Variants in ITPR2 observed in about 807,000 individuals in gnomAD.
ITPR2 encodes the protein inositol 1,4,5-trisphosphate-gated calcium channel ITPR2.
A neutral mutation model predicts 317.1 loss-of-function variants in ITPR2; 207 were observed. The observed-to-expected ratio is 0.65, with a 90% confidence interval of 0.58 to 0.73. ITPR2 has a LOEUF of 0.73. ITPR2 is among the 30% of genes least tolerant of loss of function. ITPR2 has a pLI of 0.00. For missense variants in ITPR2, 2,613 were observed against 3,284.0 expected, an observed-to-expected ratio of 0.80 and a Z score of 4.99; for synonymous variants, 1,156 against 1,149.1, an observed-to-expected ratio of 1.01 and a Z score of -0.12.
At position 26,571,625 on chromosome 12, in the gene ITPR2, C is replaced by T. The variant is rs563594104; in HGVS notation, c.4630+7088G>A. On this transcript the variant is annotated intron_variant, in intron 34 of 56. Transcript: ENST00000381340. Reference sequence around the variant, plus strand: ...AGATTTGTGATAGGAGAGGTTAATGCCGCTAGCACGTCAGTGCAGAAGGGA... The same window carrying T: ...AGATTTGTGATAGGAGAGGTTAATGTCGCTAGCACGTCAGTGCAGAAGGGA... Among the ~76,000 whole-genome samples, 3 of 152,330 alleles carry T rather than the reference C, an allele frequency of 2.0e-5. No individual in the cohort carries two copies. In the South Asian group the frequency reaches 6.2e-4, roughly 32 times the overall value.
In ITPR2 at chr12:26,722,427, C is replaced by A. The variant is rs34506525; in HGVS notation, c.495G>T (p.Pro165=). 1.9e-6 allele frequency: 3 copies of A among 1,612,032 alleles called. No individual in the cohort carries two copies. The highest frequency in any genetic ancestry group is 2.7e-5 in the African/African-American group (2 of 74,812). Residue 165 remains proline (P), a synonymous_variant, in exon 5 of 57, where the codon CCG becomes CCT. Transcript: ENST00000381340. ...CACCCTCGCTTCTCAGTTTCCAGAACGGATGAATATAAAACCAAGACCCTT... is the reference window on the plus strand; with the variant it reads ...CACCCTCGCTTCTCAGTTTCCAGAAAGGATGAATATAAAACCAAGACCCTT... ...GNEGSWFYIH[P]FWKLRSEGDN...
rs778632481 is a variant in ITPR2 at position 26,366,938 on chromosome 12, G to A, written c.7857+20496C>T. 4.8e-4 allele frequency among the ~76,000 whole-genome samples: 73 copies of A among 151,928 alleles called. No individual in the cohort carries two copies. In the Middle Eastern group the frequency reaches 0.01, roughly 21 times the overall value. ...TCCAGATGCCATTAGAACTGGGAGC[G>A]ATTAAAAAAAATGACAGTCAACTGA... On this transcript the variant is annotated intron_variant, in intron 55 of 56. Coordinates refer to ENST00000381340, the MANE Select transcript of ITPR2 (RefSeq NM_002223.4).
At chr12:26,589,869 C>T (rs866494286) in intron 32 of ITPR2, among the ~76,000 whole-genome samples, 17 of 87,342 alleles carry the variant, frequency 1.9e-4, no homozygotes, top group African/African-American at 4.2e-4. Context: ...CACACACACA[C>T]ACACACACAC....
intron 39 of ITPR2, among the ~76,000 whole-genome samples, chr12:26,489,426 G>A (rs771964131): frequency 3.3e-5 from 5 of 152,170 alleles, no homozygotes; most frequent in Non-Finnish European, 5.9e-5. Flanking sequence ...GAAAAGAGAT[G>A]CTTATTGCAT....
chr12:26,763,182 T>C lies in ITPR2; in HGVS notation c.163+26975A>G, dbSNP rs556293285. ...CGTGTTCTGGGGCATATATGCTTCA[T>C]TTAATCAATTCATAATGTATACATA... On this transcript the variant is annotated intron_variant, in intron 2 of 56. Coordinates refer to ENST00000381340, the MANE Select transcript of ITPR2 (RefSeq NM_002223.4). Among the ~76,000 whole-genome samples the C allele has an allele frequency of 1.9e-4, 29 of 152,268 alleles. No homozygotes were observed. In the South Asian group the frequency reaches 6.0e-3, roughly 32 times the overall value.
chr12:26,561,337 T>A (rs76785061), intron 35 of ITPR2, among the ~76,000 whole-genome samples: 9,272 of 152,268 alleles, frequency 0.061, 337 homozygotes, highest in Middle Eastern at 0.11. Flanking sequence ...CCTGGCAAAC[T>A]AATACAATTT....
At chr12:26,594,909 C>T (rs1471501425) in intron 32 of ITPR2, among the ~76,000 whole-genome samples, 1 of 152,104 alleles carries the variant, frequency 6.6e-6, no homozygotes, top group Non-Finnish European at 1.5e-5. Flanking sequence ...TCCCCAACAG[C>T]CCCCAACAAA....
intron 10 of ITPR2, among the ~76,000 whole-genome samples, chr12:26,689,678 G>C (rs1247214394): frequency 6.6e-6 from 1 of 152,162 alleles, no homozygotes; most frequent in African/African-American, 2.4e-5. Context: ...GCAAACAGCT[G>C]ACGCAAGAAG....
At position 26,384,105 on chromosome 12, in the gene ITPR2, G is replaced by C. The variant is rs2136623110; in HGVS notation, c.7857+3329C>G. On this transcript the variant is annotated intron_variant, in intron 55 of 56. Transcript: ENST00000381340. ...AATGTCTGGAAGATTTCCTACCAAA[G>C]TTTGAAGAGTAGCTACCTCAGGAGC... is the stretch of plus-strand genomic sequence containing the variant. Among the ~76,000 whole-genome samples, 5 of 152,314 alleles carry C rather than the reference G, an allele frequency of 3.3e-5. No individual in the cohort carries two copies. In the South Asian group the frequency reaches 1.0e-3, roughly 32 times the overall value.
intron 2 of ITPR2, among the ~76,000 whole-genome samples, chr12:26,753,019 T>C (rs557548462): frequency 1.3e-5 from 2 of 152,118 alleles, no homozygotes; most frequent in East Asian, 1.9e-4. Flanking sequence ...CCAAAGGAAA[T>C]AGACTGCAGC....
In ITPR2 at chr12:26,605,126, A is replaced by AAAATATATATATATATATATATATATAT. The variant is rs1555165395; in HGVS notation, c.3463-2421_3463-2420insATATATATATATATATATATATATATTT. ...ATAAAAATAAAAAATAAAAAATAAA[A>AAAATATATATATATATATATATATATAT]ATATATATATATATATGAGAAAGTG... On this transcript the variant is annotated intron_variant, in intron 26 of 56. Transcript: ENST00000381340. Among the ~76,000 whole-genome samples, 20 of 136,300 alleles carry AAAATATATATATATATATATATATATAT rather than the reference A, an allele frequency of 1.5e-4. 1 individual carries two copies. The highest frequency in any genetic ancestry group is 8.7e-4 in the Admixed American group (12 of 13,746). 89.4% of individuals were successfully genotyped at this position (136,300 alleles called of 152,430 possible).
intron 55 of ITPR2, among the ~76,000 whole-genome samples, chr12:26,349,092 G>A (rs1298918724): frequency 6.6e-6 from 1 of 152,158 alleles, no homozygotes; most frequent in Non-Finnish European, 1.5e-5. Context: ...AGACTGTAGT[G>A]AGCTATGATC....
At chr12:26,620,045 C>T (rs1946457984) in intron 26 of ITPR2, among the ~76,000 whole-genome samples, 1 of 152,170 alleles carries the variant, frequency 6.6e-6, no homozygotes, top group Admixed American at 6.5e-5. Context: ...ACTTTATTAC[C>T]TGGCATTCAG....
intron 39 of ITPR2, among the ~76,000 whole-genome samples, chr12:26,488,251 T>C (rs1007068290): frequency 6.6e-6 from 1 of 152,120 alleles, no homozygotes; most frequent in Non-Finnish European, 1.5e-5. Flanking sequence ...AAAAGAGTTA[T>C]ATAAGCTTGA....
chr12:26,569,911 G>A (rs925950530), intron 34 of ITPR2, among the ~76,000 whole-genome samples: 2 of 152,126 alleles, frequency 1.3e-5, no homozygotes, highest in African/African-American at 4.8e-5. Context: ...AACCCAAAAA[G>A]TCTATTCCTA....
intron 11 of ITPR2, among the ~76,000 whole-genome samples, chr12:26,686,144 G>A (rs752985472): frequency 3.3e-5 from 5 of 151,616 alleles, no homozygotes; most frequent in Non-Finnish European, 7.4e-5. Flanking sequence ...TGAATGAAAT[G>A]GGAAATCTGA....
Position 26,597,167 on chromosome 12 carries a change from T to C in ITPR2, c.4003-33A>G, listed in dbSNP as rs141021725. ...GATAATAAGAGAGTCTATGTAGCAG[T>C]CCGAACATTCATCCTTGCAGTTATT... is the stretch of plus-strand genomic sequence containing the variant. On this transcript the variant is annotated intron_variant, in intron 30 of 56. Coordinates refer to ENST00000381340, the MANE Select transcript of ITPR2 (RefSeq NM_002223.4). 29 of 1,610,604 alleles carry C rather than the reference T, an allele frequency of 1.8e-5. No individual in the cohort carries two copies. In the Middle Eastern group the frequency reaches 5.0e-4, roughly 28 times the overall value.
At chr12:26,446,277 G>T (rs1226701505) in intron 45 of ITPR2, among the ~76,000 whole-genome samples, 4 of 152,068 alleles carry the variant, frequency 2.6e-5, no homozygotes. Context: ...ATATTTGTGT[G>T]TTTTTCTCCA....
chr12:26,570,963 G>A (rs1452977845), intron 34 of ITPR2, among the ~76,000 whole-genome samples: 3 of 152,096 alleles, frequency 2.0e-5, no homozygotes, highest in Non-Finnish European at 1.5e-5. Flanking sequence ...TTAGCTCATT[G>A]AGGGCAGAGG....
Sources: allele counts gnomAD v4.1 joint callset (sites outside exome capture counted in the v4.1 genomes callset), GRCh38; gene constraint gnomAD v4.1.1; transcripts MANE v1.5; gene names NCBI Gene and HGNC (gene_info 2026-07-23, HGNC 2026-07-21).